The following LDLRAD3 variants were observed in gnomAD, a reference collection of about 807,000 sequenced individuals.
The protein encoded by LDLRAD3 is low density lipoprotein receptor class A domain containing 3, also known as low-density lipoprotein receptor class A domain-containing protein 3.
A neutral mutation model predicts 29.4 loss-of-function variants in LDLRAD3; 20 were observed. The observed-to-expected ratio is 0.68, with a 90% CI of 0.48 to 0.99. The LOEUF (loss-of-function observed/expected upper bound fraction) is 0.99, where lower values mean the gene tolerates loss of function less well. Among genes scored for constraint, LDLRAD3 ranks in the 50% least tolerant of loss-of-function variants. The probability of loss-of-function intolerance (pLI) is 0.00; values close to 1 mark genes in which losing one functional copy is unlikely to be tolerated. For synonymous variants in LDLRAD3, 157 were observed against 192.7 expected, an observed-to-expected ratio of 0.81 and a Z score of 1.53; for missense variants, 420 against 454.3, an observed-to-expected ratio of 0.92 and a Z score of 0.69.
At chr11:36,029,356 T>C (rs61879150) in intron 1 of LDLRAD3, among the ~76,000 whole-genome samples, 4,627 of 152,194 alleles carry the variant, frequency 0.03, 97 homozygotes, top group African/African-American at 0.051. Flanking sequence ...AATTGCTATC[T>C]TGAGGGCTGT....
intron 4 of LDLRAD3, among the ~76,000 whole-genome samples, chr11:36,170,605 A>G (rs1854584905): frequency 1.3e-5 from 2 of 152,060 alleles, no homozygotes; most frequent in African/African-American, 4.8e-5. Flanking sequence ...TGGTTGTACT[A>G]GTTTACATTC....
At chr11:36,117,620 G>A (rs1488751677) in intron 4 of LDLRAD3, among the ~76,000 whole-genome samples, 1 of 152,200 alleles carries the variant, frequency 6.6e-6, no homozygotes, top group African/African-American at 2.4e-5. Context: ...AACTGAACTG[G>A]TTGTTGCCTG....
chr11:36,014,034 T>C (rs1372016808), intron 1 of LDLRAD3, among the ~76,000 whole-genome samples: 1 of 152,096 alleles, frequency 6.6e-6, no homozygotes, highest in Non-Finnish European at 1.5e-5. Flanking sequence ...TTTCCTCCTG[T>C]GGTTTTTGGT....
intron 1 of LDLRAD3, among the ~76,000 whole-genome samples, chr11:36,010,799 C>G (rs898161449): frequency 1.3e-5 from 2 of 152,086 alleles, no homozygotes; most frequent in East Asian, 3.9e-4. Flanking sequence ...AAATTTCCCC[C>G]TCCTTAGAAA....
At position 36,069,910 on chromosome 11, in the gene LDLRAD3, C is replaced by T. The variant is rs546323097; in HGVS notation, c.194-11743C>T. On this transcript the variant is annotated intron_variant, in intron 2 of 5. Transcript: ENST00000315571. The stretch of plus-strand genomic sequence containing the variant: ...GAATGAAAAACGGAATGAGTAAGGC[C>T]TCATGCTGTAAATATTACATTGCTT... 5.5e-4 allele frequency among the ~76,000 whole-genome samples: 84 copies of T among 152,298 alleles called. No individual in the cohort carries two copies. In the Middle Eastern group the frequency reaches 0.014, roughly 25 times the overall value.
chr11:36,054,825 G>GTGGATAGATGGATGAATGGA (rs1852585019), intron 2 of LDLRAD3, among the ~76,000 whole-genome samples: 1 of 95,150 alleles, frequency 1.1e-5, no homozygotes, highest in African/African-American at 4.5e-5. Flanking sequence ...GGATGGATAG[G>GTGGATAGATGGATGAATGGA]TGGATGGATG....
intron 1 of LDLRAD3, among the ~76,000 whole-genome samples, chr11:35,955,417 A>G (rs1210847394): frequency 1.3e-5 from 2 of 152,252 alleles, no homozygotes; most frequent in South Asian, 2.1e-4. Flanking sequence ...GGAAGGTGAT[A>G]TGAATACATC....
chr11:36,221,776 T>A (rs1565314254), intron 4 of LDLRAD3, among the ~76,000 whole-genome samples: 2 of 152,098 alleles, frequency 1.3e-5, no homozygotes, highest in African/African-American at 4.8e-5. Context: ...AAAGTAAATC[T>A]CCCTCTCCAC....
At chr11:36,118,486 A>C (rs540347507) in intron 4 of LDLRAD3, among the ~76,000 whole-genome samples, 1 of 147,508 alleles carries the variant, frequency 6.8e-6, no homozygotes, top group East Asian at 2.1e-4. Flanking sequence ...GAAGTGAGAA[A>C]GTAAGAGTGA....
chr11:36,114,931 T>G (rs1853653421), intron 4 of LDLRAD3, among the ~76,000 whole-genome samples: 1 of 152,186 alleles, frequency 6.6e-6, no homozygotes, highest in Admixed American at 6.5e-5. Context: ...TTCTGGAAAC[T>G]GGGCCAGCTA....
intron 2 of LDLRAD3, among the ~76,000 whole-genome samples, chr11:36,050,335 G>A (rs1043107143): frequency 6.6e-6 from 1 of 152,194 alleles, no homozygotes; most frequent in Admixed American, 6.5e-5. Flanking sequence ...ACCTTGTCCT[G>A]TTGAGCCCTG....
intron 1 of LDLRAD3, among the ~76,000 whole-genome samples, chr11:35,997,043 A>G (rs1851763754): frequency 6.6e-6 from 1 of 152,204 alleles, no homozygotes; most frequent in Non-Finnish European, 1.5e-5. Flanking sequence ...GGAATGATGG[A>G]TGGCTGAAAA....
At chr11:36,009,513 C>T (rs750518312) in intron 1 of LDLRAD3, among the ~76,000 whole-genome samples, 2 of 152,136 alleles carry the variant, frequency 1.3e-5, no homozygotes, top group Non-Finnish European at 2.9e-5. Context: ...GGATTTCCAC[C>T]CAGCCAGAGG....
intron 2 of LDLRAD3, among the ~76,000 whole-genome samples, chr11:36,060,755 C>T (rs1852686475): frequency 6.6e-6 from 1 of 152,132 alleles, no homozygotes; most frequent in Admixed American, 6.5e-5. Flanking sequence ...GTTTTGGTCA[C>T]AAGGAAACTC....
intron 4 of LDLRAD3, among the ~76,000 whole-genome samples, chr11:36,136,482 A>G (rs1854005633): frequency 6.6e-6 from 1 of 151,996 alleles, no homozygotes; most frequent in Admixed American, 6.6e-5. Context: ...TGCTGTCTCT[A>G]TGATAGTGAG....
At chr11:36,085,941 T>C (rs1323465031) in intron 3 of LDLRAD3, among the ~76,000 whole-genome samples, 1 of 152,114 alleles carries the variant, frequency 6.6e-6, no homozygotes, top group Non-Finnish European at 1.5e-5. Flanking sequence ...TAATCACTCC[T>C]TTTTCTTTTT....
At chr11:36,057,206 G>A (rs1045381912) in intron 2 of LDLRAD3, among the ~76,000 whole-genome samples, 4 of 152,148 alleles carry the variant, frequency 2.6e-5, no homozygotes, top group Non-Finnish European at 5.9e-5. Context: ...GAGAAACGCC[G>A]CCTCACTCAG....
chr11:36,149,531 GTGT>G (rs1387880185), intron 4 of LDLRAD3, among the ~76,000 whole-genome samples: 1 of 151,898 alleles, frequency 6.6e-6, no homozygotes, highest in Non-Finnish European at 1.5e-5. Flanking sequence ...CTGCACAGCA[GTGT>G]TGTCCAGCTG....
chr11:36,045,188 C>G (rs1456547776), intron 2 of LDLRAD3, among the ~76,000 whole-genome samples: 2 of 152,214 alleles, frequency 1.3e-5, no homozygotes, highest in Non-Finnish European at 2.9e-5. Context: ...GATAAGCACC[C>G]ACCTACATAC....
Sources: gnomAD v4.1 joint callset for allele counts (sites outside exome capture counted in the v4.1 genomes callset) on GRCh38, gnomAD v4.1.1 for gene constraint, MANE v1.5 for transcripts, NCBI Gene and HGNC (gene_info 2026-07-23, HGNC 2026-07-21) for gene names.